Variants in CCDC171 observed in about 807,000 individuals in gnomAD.
CCDC171 encodes coiled-coil domain containing 171.
CCDC171 carries 177 observed loss-of-function variants against 168.2 expected under a neutral mutation model. The ratio of observed to expected loss-of-function variants is 1.05; its 90% confidence interval spans 0.93 to 1.19. The LOEUF is 1.19. Among genes scored for constraint, CCDC171 ranks in the 50% most tolerant of loss-of-function variants. The pLI is 0.00. For synonymous variants in CCDC171, 687 were observed against 540.8 expected (o/e 1.27, Z -3.75); for missense variants, 1,991 against 1,539.0 (o/e 1.29, Z -4.91).
At chr9:15,792,435 A>G (rs1021947406) in intron 21 of CCDC171, among the ~76,000 whole-genome samples, 2 of 152,178 alleles carry the variant, frequency 1.3e-5, no homozygotes, top group East Asian at 1.9e-4. Flanking sequence ...CCAACCTAGC[A>G]AGGCAGGCCA....
intron 8 of CCDC171, among the ~76,000 whole-genome samples, chr9:15,664,567 T>TACACACACACACAC (rs34252519): frequency 0.12 from 17,039 of 143,986 alleles, 1,161 homozygotes; most frequent in Non-Finnish European, 0.15. Flanking sequence ...CTTAAATTTA[T>TACACACACACACAC]ACACACACAC....
intron 24 of CCDC171, among the ~76,000 whole-genome samples, chr9:15,897,386 G>A (rs1169481): frequency 0.85 from 129,530 of 151,942 alleles, 55,275 homozygotes; most frequent in East Asian, 0.96. Context: ...TCCAAATTAT[G>A]TATGTTTTTA....
intron 25 of CCDC171, among the ~76,000 whole-genome samples, chr9:15,924,303 G>A (rs1325711617): frequency 6.6e-6 from 1 of 151,322 alleles, no homozygotes; most frequent in African/African-American, 2.4e-5. Flanking sequence ...TTCTGGTTCT[G>A]TCAGTTGCTA....
chr9:15,879,650 T>C (rs1444702066), intron 24 of CCDC171, among the ~76,000 whole-genome samples: 1 of 152,180 alleles, frequency 6.6e-6, no homozygotes, highest in Non-Finnish European at 1.5e-5. Flanking sequence ...TACAGATTTA[T>C]GTAATTATTT....
At chr9:15,793,042 A>G (rs897766677) in intron 21 of CCDC171, among the ~76,000 whole-genome samples, 1 of 152,222 alleles carries the variant, frequency 6.6e-6, no homozygotes, top group Non-Finnish European at 1.5e-5. Flanking sequence ...CAGGATAAAG[A>G]GTGAAGACCC....
intron 6 of CCDC171, among the ~76,000 whole-genome samples, chr9:15,613,212 T>C (rs1314760121): frequency 6.6e-6 from 1 of 152,202 alleles, no homozygotes; most frequent in East Asian, 1.9e-4. Flanking sequence ...TGCCATCACC[T>C]GTCATCATCA....
chr9:15,632,735 C>G (rs1193832045), intron 7 of CCDC171, among the ~76,000 whole-genome samples: 18 of 152,174 alleles, frequency 1.2e-4, no homozygotes, highest in Non-Finnish European at 2.5e-4. Flanking sequence ...GCCAAAAGAA[C>G]AAAGCTGGAG....
chr9:15,874,061 G>T (rs1415761603), intron 23 of CCDC171, among the ~76,000 whole-genome samples: 1 of 151,962 alleles, frequency 6.6e-6, no homozygotes, highest in Non-Finnish European at 1.5e-5. Context: ...TATTTGTTTT[G>T]ATTCTAGAGT....
the CCDC171 span, among the ~76,000 whole-genome samples, chr9:16,099,526 C>T: frequency 6.6e-6 from 1 of 152,240 alleles, no homozygotes; most frequent in Non-Finnish European, 1.5e-5. Flanking sequence ...CTAAGCATTT[C>T]TGATGTCCTT....
chr9:15,644,639 T>C (rs2132615011), intron 7 of CCDC171, among the ~76,000 whole-genome samples: 3 of 152,320 alleles, frequency 2.0e-5, no homozygotes, highest in Middle Eastern at 6.8e-3. Context: ...GGAGCCTCGC[T>C]TATTGCTAGC....
chr9:15,667,987 A>G (rs2048851857), intron 9 of CCDC171, among the ~76,000 whole-genome samples: 1 of 152,184 alleles, frequency 6.6e-6, no homozygotes, highest in South Asian at 2.1e-4. Flanking sequence ...ATATTATTCA[A>G]ATATGTATTC....
chr9:15,728,025 G>T lies in CCDC171; in HGVS notation c.1849G>T (p.Ala617Ser), dbSNP rs779581076. Reference sequence around the variant, plus strand: ...TGCCCTGATTGCAGACCTCAACAGGGCTAATGAGAAGGTAACTGTCCTCAG... The same window carrying T: ...TGCCCTGATTGCAGACCTCAACAGGTCTAATGAGAAGGTAACTGTCCTCAG... ...VDALIADLNRANEKIRHLEYI... is the reference protein window; with the variant it reads ...VDALIADLNRSNEKIRHLEYI... Residue 617 changes from alanine (A) to serine (S), a missense_variant, in exon 15 of 26, where the codon GCT becomes TCT. Physicochemically the swap from Ala to Ser is moderately conservative, Grantham distance 99 (BLOSUM62 1). Coordinates refer to ENST00000380701, the MANE Select transcript of CCDC171 (RefSeq NM_173550.4). 2 of 1,610,666 alleles carry T rather than the reference G, an allele frequency of 1.2e-6. No homozygotes were observed.
the CCDC171 span, among the ~76,000 whole-genome samples, chr9:16,084,698 G>T: frequency 9.9e-5 from 15 of 152,174 alleles, no homozygotes; most frequent in African/African-American, 3.6e-4. Flanking sequence ...CAGGAAGCAG[G>T]CCTGAGATAA....
chr9:15,808,197 G>A (rs2059163815), intron 21 of CCDC171, among the ~76,000 whole-genome samples: 1 of 152,090 alleles, frequency 6.6e-6, no homozygotes, highest in African/African-American at 2.4e-5. Flanking sequence ...GGAGAGTAGA[G>A]AAGATTTGAA....
At chr9:15,780,195 G>C (rs1263766019) in intron 20 of CCDC171, among the ~76,000 whole-genome samples, 1 of 152,138 alleles carries the variant, frequency 6.6e-6, no homozygotes, top group Non-Finnish European at 1.5e-5. Context: ...GAATTAGGCA[G>C]GTCAAGTAAT....
chr9:16,015,978 A>G (rs1833003870), intron 3 of CCDC171, among the ~76,000 whole-genome samples: 1 of 152,152 alleles, frequency 6.6e-6, no homozygotes, highest in Admixed American at 6.5e-5. Flanking sequence ...ATAATATCCC[A>G]TTGTACGTAC....
At chr9:16,048,830 G>T (rs774260699) in intron 1 of CCDC171, among the ~76,000 whole-genome samples, 1 of 151,704 alleles carries the variant, frequency 6.6e-6, no homozygotes, top group African/African-American at 2.4e-5. Context: ...ACAGTACCTC[G>T]CACGTAGTAA....
At chr9:15,704,686 G>GT (rs2052067642) in intron 11 of CCDC171, among the ~76,000 whole-genome samples, 1 of 152,136 alleles carries the variant, frequency 6.6e-6, no homozygotes, top group Non-Finnish European at 1.5e-5. Flanking sequence ...AGATTTTGTA[G>GT]TTTTCTACAT....
chr9:16,099,089 G>A, the CCDC171 span, among the ~76,000 whole-genome samples: 1 of 152,194 alleles, frequency 6.6e-6, no homozygotes, highest in Non-Finnish European at 1.5e-5. Flanking sequence ...ATTCCAGACT[G>A]TTTAGAGAGT....
Sources: gnomAD v4.1 joint callset for allele counts (sites outside exome capture counted in the v4.1 genomes callset) on GRCh38, gnomAD v4.1.1 for gene constraint, MANE v1.5 for transcripts, NCBI Gene and HGNC (gene_info 2026-07-23, HGNC 2026-07-21) for gene names.